Variants in KLHL23 observed in about 807,000 individuals in gnomAD.
KLHL23 encodes the protein kelch like family member 23.
A neutral mutation model predicts 48.9 loss-of-function variants in KLHL23; 33 were observed. That is an observed-to-expected ratio of 0.67 (90% CI 0.51 to 0.90). KLHL23 has a LOEUF of 0.90. KLHL23 is among the 40% of genes least tolerant of loss of function. The probability of loss-of-function intolerance (pLI) is 0.00; values close to 1 mark genes in which losing one functional copy is unlikely to be tolerated. For synonymous variants in KLHL23, 234 were observed against 231.6 expected, an observed-to-expected ratio of 1.01 and a Z score of -0.09; for missense variants, 608 against 669.6, an observed-to-expected ratio of 0.91 and a Z score of 1.02.
intron 2 of KLHL23, 60 bp from the exon 3 acceptor site, chr2:169,741,325 G>C: frequency 1.9e-6 from 3 of 1,548,288 alleles, no homozygotes; most frequent in Non-Finnish European, 2.6e-6. Context: ...TTTAGCCCAG[G>C]GTTCACTGCA....
Position 169,749,716 on chromosome 2 carries a change from G to T in KLHL23, c.1661G>T (p.Cys554Phe), listed in dbSNP as rs773176627. Residue 554 changes from cysteine (C) to phenylalanine (F), a missense_variant, in exon 4 of 4, where the codon TGT becomes TTT. Transcript: ENST00000392647. ...GCCATGCGGTCTCATGGGTGTGTTT[G>T]TGTGTATAATGTCTAATTGAATCTG... Reference protein sequence around the residue: ...PSAMRSHGCVCVYNV With the variant: ...PSAMRSHGCVFVYNV The T allele has an allele frequency of 1.2e-6, 2 of 1,605,536 alleles. No homozygotes were observed. Among genetic ancestry groups the T allele is most frequent in the Admixed American group, 1.7e-5 (1 of 59,818 alleles).
In KLHL23 at chr2:169,751,201, T is replaced by C. The variant is rs1171413582; in HGVS notation, c.*1469T>C. ...ACAGCATCGCTTTCCATGTGTGCCA[T>C]AACTTGGGAATAGTTGGGATGTGTT... is the stretch of plus-strand genomic sequence containing the variant. On this transcript the variant is annotated 3_prime_UTR_variant, in exon 4 of 4. Coordinates refer to ENST00000392647, the MANE Select transcript of KLHL23 (RefSeq NM_144711.6). 1 of 152,252 alleles carries C rather than the reference T, an allele frequency of 6.6e-6. No individual in the cohort carries two copies. The highest frequency in any genetic ancestry group is 1.5e-5 in the Non-Finnish European group (1 of 68,052). 9.4% of individuals were successfully genotyped at this position (152,252 alleles called of 1,614,324 possible). A position where few individuals can be genotyped will look rare whatever the true frequency, so the allele number is the denominator to read the frequency against.
chr2:169,739,147 G>C (rs893052625), intron 2 of KLHL23, among the ~76,000 whole-genome samples: 1 of 142,594 alleles, frequency 7.0e-6, no homozygotes, highest in Non-Finnish European at 1.5e-5. Context: ...CCTCAAAATC[G>C]GTTTGGTTTG....
At chr2:169,744,422 G>A (rs1688745560) in intron 3 of KLHL23, among the ~76,000 whole-genome samples, 1 of 152,108 alleles carries the variant, frequency 6.6e-6, no homozygotes, top group Non-Finnish European at 1.5e-5. Flanking sequence ...GGAGGAAGGT[G>A]GAAAGGAAAG....
chr2:169,741,082 C>T (rs1028505896), intron 2 of KLHL23: 2 of 214,692 alleles, frequency 9.3e-6, no homozygotes, highest in African/African-American at 4.5e-5. Context: ...CATGAGAATG[C>T]TTTATGCCAT....
At chr2:169,748,904 C>G (rs1257899406) in intron 3 of KLHL23, among the ~76,000 whole-genome samples, 1 of 151,954 alleles carries the variant, frequency 6.6e-6, no homozygotes, top group Non-Finnish European at 1.5e-5. Context: ...GGGTACGTTT[C>G]TTTAGCTTCT....
Position 169,735,324 on chromosome 2 carries a change from A to G in KLHL23, c.310A>G (p.Lys104Glu), listed in dbSNP as rs766100948. 2.4e-5 allele frequency: 38 copies of G among 1,613,590 alleles called. No individual in the cohort carries two copies. The East Asian group carries it at 7.4e-4, about 31-fold the overall frequency. The part of the protein sequence containing the change: ...YAYTSQIEIT[K>E]RNVQSLLEAA... ...ATACACTTCCCAAATTGAAATAACT[A>G]AAAGAAATGTTCAAAGCCTGCTTGA... Residue 104 changes from lysine (K) to glutamate (E), a missense_variant, in exon 2 of 4, where the codon AAA becomes GAA. Lys to Glu is a moderately conservative substitution (Grantham distance 56, BLOSUM62 1). Coordinates refer to ENST00000392647, the MANE Select transcript of KLHL23 (RefSeq NM_144711.6). The surrounding 1 kb of genome is among the most constrained non-coding windows in gnomAD (Gnocchi z 4.5).
At chr2:169,748,122 T>G (rs1334917517) in intron 3 of KLHL23, among the ~76,000 whole-genome samples, 1 of 152,192 alleles carries the variant, frequency 6.6e-6, no homozygotes, top group Non-Finnish European at 1.5e-5. Context: ...AGACCCTGTC[T>G]CTAGGAAAGA....
At chr2:169,738,134 A>G (rs1265398907) in intron 2 of KLHL23, among the ~76,000 whole-genome samples, 1 of 152,154 alleles carries the variant, frequency 6.6e-6, no homozygotes, top group Non-Finnish European at 1.5e-5. Flanking sequence ...TTTGAACTCA[A>G]AGCTTTGATT....
rs765106767 is a variant in KLHL23, at chr2:169,749,403, CT to C, written c.1367-12del. The C allele has an allele frequency of 1.4e-5, 21 of 1,554,734 alleles. No individual in the cohort carries two copies. The highest frequency in any genetic ancestry group is 2.3e-5 in the East Asian group (1 of 43,982). On this transcript the variant is annotated intron_variant, in intron 3 of 3. Coordinates refer to ENST00000392647, the MANE Select transcript of KLHL23 (RefSeq NM_144711.6). ...TTATCCTTTAAAAAAATGCTGTTTT[CT>C]TTTTTTCTTTTTAAAAGAATATGGA...
chr2:169,735,224 G>T lies in KLHL23; in HGVS notation c.210G>T (p.Met70Ile), dbSNP rs755906337. 1 of 1,602,726 alleles carries T rather than the reference G, an allele frequency of 6.2e-7. No homozygotes were observed. Among genetic ancestry groups the T allele is most frequent in the Non-Finnish European group, 8.5e-7 (1 of 1,177,420 alleles). ...NYFKAMFTADMKEKFKNKIKL... is the reference protein window; with the variant it reads ...NYFKAMFTADIKEKFKNKIKL... The stretch of plus-strand genomic sequence containing the variant: ...TTAAGGCAATGTTCACAGCTGACAT[G>T]AAAGAAAAATTTAAAAATAAAATAA... The change falls in exon 2 of 4, where the codon ATG (methionine) becomes ATT (isoleucine). Residue 70 changes from methionine to isoleucine, a missense_variant. Around this residue, in one of 3 missense-constraint regions of KLHL23, gnomAD observed 419 missense variants for 473.1 expected, o/e 0.89. Coordinates refer to ENST00000392647, the MANE Select transcript of KLHL23 (RefSeq NM_144711.6). This position sits in a 1 kb window ranked among gnomAD's most constrained non-coding sequence, Gnocchi z 4.5.
At chr2:169,745,513 CAAAAAAAAAAAAAAAAA>C (rs1157957265) in intron 3 of KLHL23, among the ~76,000 whole-genome samples, 2 of 63,650 alleles carry the variant, frequency 3.1e-5, no homozygotes, top group Non-Finnish European at 5.1e-5. Context: ...GACTCCGTCT[CAAAAAAAAAAAAAAAAA>C]AAAAAAAAAG....
intron 3 of KLHL23, among the ~76,000 whole-genome samples, chr2:169,748,343 T>C (rs1688851968): frequency 6.6e-6 from 1 of 152,190 alleles, no homozygotes; most frequent in Non-Finnish European, 1.5e-5. Context: ...AAGGAACAGC[T>C]CAGCGATAGT....
At position 169,749,652 on chromosome 2, in the gene KLHL23, G is replaced by A; in HGVS notation, c.1597G>A (p.Asp533Asn). Residue 533 changes from aspartate (D) to asparagine (N), a missense_variant, in exon 4 of 4, where the codon GAT becomes AAT. Around this residue, in one of 3 missense-constraint regions of KLHL23, gnomAD observed 179 missense variants for 169.9 expected, o/e 1.05. Transcript: ENST00000392647. ...YLQSIEKYDP[D>N]LNKWEIVGNL... ...TCAGAGCATTGAGAAATATGATCCA[G>A]ATCTTAATAAGTGGGAAATAGTGGG... 2 of 1,614,074 alleles carry A rather than the reference G, an allele frequency of 1.2e-6. No homozygotes were observed. The highest frequency in any genetic ancestry group is 1.7e-6 in the Non-Finnish European group (2 of 1,180,006).
At position 169,751,180 on chromosome 2, in the gene KLHL23, C is replaced by T. The variant is rs1377535861; in HGVS notation, c.*1448C>T. The T allele has an allele frequency of 6.6e-6, 1 of 152,216 alleles. No homozygotes were observed. Among genetic ancestry groups the T allele is most frequent in the Non-Finnish European group, 1.5e-5 (1 of 68,048 alleles). 9.4% of individuals were successfully genotyped at this position (152,216 alleles called of 1,614,324 possible). A position where few individuals can be genotyped will look rare whatever the true frequency, so the allele number is the denominator to read the frequency against. ...TCCATTTTCCTCAGTGTGCCTACAG[C>T]ATCGCTTTCCATGTGTGCCATAACT... On this transcript the variant is annotated 3_prime_UTR_variant, in exon 4 of 4. Transcript: ENST00000392647.
intron 2 of KLHL23, among the ~76,000 whole-genome samples, chr2:169,739,684 C>T (rs1177352389): frequency 6.6e-6 from 1 of 152,170 alleles, no homozygotes; most frequent in African/African-American, 2.4e-5. Context: ...CATGGTGTTT[C>T]TTCCATTTTA....
chr2:169,737,216 A>C (rs962568957), intron 2 of KLHL23, among the ~76,000 whole-genome samples: 6 of 152,240 alleles, frequency 3.9e-5, no homozygotes, highest in Admixed American at 6.5e-5. Flanking sequence ...AAATTAATCT[A>C]TGCTTGTGAA....
rs1688945235 is a variant in KLHL23 at position 169,750,348 on chromosome 2, T to C, written c.*616T>C. ...TCTCAAGAGCCTATAATATAGTAGA[T>C]AGTGCATATTAAGATGTCTGGCTGG... On this transcript the variant is annotated 3_prime_UTR_variant, in exon 4 of 4. Transcript: ENST00000392647. 6.6e-6 allele frequency: 1 copy of C among 152,122 alleles called. No individual in the cohort carries two copies. The highest frequency in any genetic ancestry group is 6.6e-5 in the Admixed American group (1 of 15,200). 9.4% of individuals were successfully genotyped at this position (152,122 alleles called of 1,614,324 possible). A position where few individuals can be genotyped will look rare whatever the true frequency, so the allele number is the denominator to read the frequency against.
chr2:169,748,684 AT>A (rs1688863518), intron 3 of KLHL23, among the ~76,000 whole-genome samples: 2 of 150,500 alleles, frequency 1.3e-5, no homozygotes, highest in Admixed American at 1.3e-4. Flanking sequence ...GAGTTGTGAG[AT>A]ATGCTGGTGC....
Sources: allele counts gnomAD v4.1 joint callset (sites outside exome capture counted in the v4.1 genomes callset), GRCh38; gene constraint gnomAD v4.1.1; regional missense constraint gnomAD v4.1.1; non-coding constraint Gnocchi (gnomAD v3.1); transcripts MANE v1.5; gene names NCBI Gene and HGNC (gene_info 2026-07-23, HGNC 2026-07-21).